ARHGAP44: variants seen among roughly 807,000 people sequenced by gnomAD.
The protein encoded by ARHGAP44 is Rho GTPase activating protein 44.
ARHGAP44 carries 43 observed loss-of-function variants against 106.8 expected under a neutral mutation model. The observed-to-expected ratio is 0.40, with a 90% CI of 0.32 to 0.52. ARHGAP44 has a LOEUF of 0.52. Ranked by LOEUF, ARHGAP44 falls within the 20% of genes least tolerant of loss-of-function variation. The pLI, the probability that ARHGAP44 is intolerant of heterozygous loss-of-function variation, is 0.48. For missense variants in ARHGAP44, 866 were observed against 1,050.5 expected (o/e 0.82, Z 2.43); for synonymous variants, 439 against 410.3 (o/e 1.07, Z -0.85).
chr17:12,806,421 T>TG (rs1281307838), intron 1 of ARHGAP44, among the ~76,000 whole-genome samples: 2 of 152,180 alleles, frequency 1.3e-5, no homozygotes, highest in African/African-American at 2.4e-5. Context: ...GCAAATAGGA[T>TG]GACCATCTAA....
chr17:12,973,622 G>A, intron 17 of ARHGAP44: 1 of 522,180 alleles, frequency 1.9e-6, no homozygotes, highest in Non-Finnish European at 3.4e-6. Context: ...TTCATATTTA[G>A]ATGTCTCCTG....
At chr17:12,944,652 ATT>A (rs5819393) in intron 10 of ARHGAP44, among the ~76,000 whole-genome samples, 7 of 137,426 alleles carry the variant, frequency 5.1e-5, no homozygotes, top group Non-Finnish European at 3.1e-5. Context: ...CGCCCAGCTA[ATT>A]TTTTTTTTTT....
chr17:12,988,198 G>C (rs1321320329), intron 20 of ARHGAP44: 1 of 152,212 alleles, frequency 6.6e-6, no homozygotes, highest in Non-Finnish European at 1.5e-5. Flanking sequence ...GGAGCAGCAA[G>C]GATAAAGGTA....
Position 12,948,751 on chromosome 17 carries a change from C to CACACACACACACACACA in ARHGAP44, c.862-389_862-388insACACACACACACACACA, listed in dbSNP as rs200024961. 8.1e-5 allele frequency among the ~76,000 whole-genome samples: 12 copies of CACACACACACACACACA among 147,848 alleles called. 1 individual carries two copies. The highest frequency in any genetic ancestry group is 4.1e-4 in the East Asian group (2 of 4,920). ...ACACACACACACACACACACACACA[C>CACACACACACACACACA]CCCCTGTAGACCTCCTCACATTCAA... On this transcript the variant is annotated intron_variant, in intron 10 of 20. Coordinates refer to ENST00000379672, the MANE Select transcript of ARHGAP44 (RefSeq NM_014859.6).
intron 1 of ARHGAP44, among the ~76,000 whole-genome samples, chr17:12,880,956 T>C (rs762879394): frequency 6.6e-6 from 1 of 152,194 alleles, no homozygotes; most frequent in Non-Finnish European, 1.5e-5. Flanking sequence ...GGTAATGCTT[T>C]GTGGTTTTAA....
At chr17:12,873,745 A>G (rs2036467347) in intron 1 of ARHGAP44, among the ~76,000 whole-genome samples, 1 of 152,092 alleles carries the variant, frequency 6.6e-6, no homozygotes, top group South Asian at 2.1e-4. Flanking sequence ...TAAAAATACA[A>G]TAATTAGCTG....
In ARHGAP44 at chr17:12,905,279, A is replaced by G. The variant is rs550279803; in HGVS notation, c.199-3618A>G. On this transcript the variant is annotated intron_variant, in intron 3 of 20. Coordinates refer to ENST00000379672, the MANE Select transcript of ARHGAP44 (RefSeq NM_014859.6). ...ATGCTCCTTGTTAAAATTAAAAAGC[A>G]TATCCCTTAAGAATTCACTTAATTC... 2.2e-4 allele frequency among the ~76,000 whole-genome samples: 33 copies of G among 152,294 alleles called. No individual in the cohort carries two copies. In the South Asian group the frequency reaches 6.2e-3, roughly 29 times the overall value.
intron 10 of ARHGAP44, among the ~76,000 whole-genome samples, chr17:12,948,723 T>TATACACAC (rs1555562027): frequency 3.4e-5 from 1 of 29,310 alleles, no homozygotes; most frequent in Non-Finnish European, 6.7e-5. Flanking sequence ...CCAACACACA[T>TATACACAC]ACACACACAC....
intron 1 of ARHGAP44, among the ~76,000 whole-genome samples, chr17:12,836,674 AAAAG>A (rs1161866105): frequency 8.6e-5 from 13 of 151,980 alleles, no homozygotes; most frequent in Admixed American, 2.6e-4. Flanking sequence ...GAAAAGAAAA[AAAAG>A]AAAGACACTA....
intron 16 of ARHGAP44, among the ~76,000 whole-genome samples, chr17:12,964,818 T>C (rs750374180): frequency 1.3e-5 from 2 of 152,066 alleles, no homozygotes; most frequent in African/African-American, 4.8e-5. Context: ...ACATGGGTAA[T>C]GTGACCTCCT....
rs986618595 is a variant in ARHGAP44 at position 12,975,666 on chromosome 17, C to T, written c.1763+1356C>T. ...ACAAAAAATTAGCTGGGCGTGGTGG[C>T]GGGCGCCTGTAGTCCCAGCTACTGG... On this transcript the variant is annotated intron_variant, in intron 18 of 20. Coordinates refer to ENST00000379672, the MANE Select transcript of ARHGAP44 (RefSeq NM_014859.6). Among the ~76,000 whole-genome samples, 12 of 151,690 alleles carry T rather than the reference C, an allele frequency of 7.9e-5. 1 individual carries two copies. Among genetic ancestry groups the T allele is most frequent in the South Asian group, 4.2e-4 (2 of 4,808 alleles).
intron 1 of ARHGAP44, among the ~76,000 whole-genome samples, chr17:12,800,385 C>T (rs1308853642): frequency 6.6e-6 from 1 of 152,178 alleles, no homozygotes; most frequent in Non-Finnish European, 1.5e-5. Context: ...CTAGGTTAAG[C>T]AGCTGTAACA....
Position 12,941,154 on chromosome 17 carries a change from A to T in ARHGAP44, c.651+30A>T, listed in dbSNP as rs570582074. On this transcript the variant is annotated intron_variant, in intron 8 of 20. Transcript: ENST00000379672. ...GTGCCCAGAAAGGTGAGATTGCTTA[A>T]AGGCTGTTCGTAGGAGAAGGGAATG... The T allele has an allele frequency of 4.1e-5, 65 of 1,600,908 alleles. 2 individuals are homozygous for T. The South Asian group carries it at 5.7e-4, about 14-fold the overall frequency.
chr17:12,794,767 G>A (rs939266405), intron 1 of ARHGAP44, among the ~76,000 whole-genome samples: 1 of 152,072 alleles, frequency 6.6e-6, no homozygotes, highest in Non-Finnish European at 1.5e-5. Context: ...TTGCTGCTGT[G>A]CAGCTCTTGG....
chr17:12,844,621 C>T (rs111611985), intron 1 of ARHGAP44, among the ~76,000 whole-genome samples: 89 of 152,270 alleles, frequency 5.8e-4, no homozygotes, highest in Non-Finnish European at 9.3e-4. Flanking sequence ...GACAGTAACA[C>T]TGATGATACA....
At chr17:12,940,349 G>A (rs552926374) in intron 7 of ARHGAP44, among the ~76,000 whole-genome samples, 1 of 152,312 alleles carries the variant, frequency 6.6e-6, no homozygotes, top group South Asian at 2.1e-4. Flanking sequence ...CTTCTATTAT[G>A]CCAGGCTATG....
At chr17:12,947,647 GT>G (rs1227096383) in intron 10 of ARHGAP44, among the ~76,000 whole-genome samples, 1 of 152,258 alleles carries the variant, frequency 6.6e-6, no homozygotes, top group African/African-American at 2.4e-5. Flanking sequence ...GCTTTGCTCA[GT>G]TACACAATCA....
rs779136619 is a variant in ARHGAP44, at chr17:12,919,823, A to G, written c.456A>G (p.Ser152=). The change falls in exon 6 of 21, where the codon TCA becomes TCG. Residue 152 remains serine (S), a synonymous_variant. Coordinates refer to ENST00000379672, the MANE Select transcript of ARHGAP44 (RefSeq NM_014859.6). Reference sequence around the variant, plus strand: ...AGTTGGTGCTGGACATGGATTCCTCACGAACCAGGTAGAATCTCTTTACTT... The same window carrying G: ...AGTTGGTGCTGGACATGGATTCCTCGCGAACCAGGTAGAATCTCTTTACTT... ...LAKLVLDMDS[S]RTRWQQTSKS... 1.2e-6 allele frequency: 2 copies of G among 1,612,560 alleles called. No homozygotes were observed. The highest frequency in any genetic ancestry group is 1.7e-6 in the Non-Finnish European group (2 of 1,179,312).
chr17:12,980,157 A>G lies in ARHGAP44; in HGVS notation c.1863A>G (p.Gln621=). ...GTGCAGGGACTCAACCAGGGGCTCA[A>G]CCTGGAGCTCAGCCGGGCGCCAGCC... The part of the protein sequence containing the change: ...TACAGTQPGA[Q]PGAQPGASPS... Residue 621 remains glutamine (Q), a synonymous_variant, in exon 19 of 21, where the codon CAA becomes CAG. Coordinates refer to ENST00000379672, the MANE Select transcript of ARHGAP44 (RefSeq NM_014859.6). The G allele has an allele frequency of 5.0e-6, 8 of 1,613,442 alleles. No individual in the cohort carries two copies. Among genetic ancestry groups the G allele is most frequent in the South Asian group, 1.1e-5 (1 of 91,036 alleles).
Sources: allele counts gnomAD v4.1 joint callset (sites outside exome capture counted in the v4.1 genomes callset), GRCh38; gene constraint gnomAD v4.1.1; transcripts MANE v1.5; gene names NCBI Gene and HGNC (gene_info 2026-07-23, HGNC 2026-07-21).